Variants in RILPL1 observed in about 807,000 individuals in gnomAD.
RILPL1 encodes the protein RILP-like protein 1.
Under a neutral mutation model 50.3 loss-of-function variants are expected in RILPL1, and 33 were observed. The observed-to-expected ratio is 0.66, with a 90% confidence interval of 0.50 to 0.88. The LOEUF (loss-of-function observed/expected upper bound fraction) is 0.88. RILPL1 is among the 40% of genes least tolerant of loss of function. The pLI is 0.00. For synonymous variants in RILPL1, 205 were observed against 228.6 expected, an observed-to-expected ratio of 0.90 and a Z score of 0.93; for missense variants, 418 against 542.5, an observed-to-expected ratio of 0.77 and a Z score of 2.28.
chr12:123,525,117 G>C (rs1401201113), intron 1 of RILPL1, among the ~76,000 whole-genome samples: 1 of 152,058 alleles, frequency 6.6e-6, no homozygotes, highest in Non-Finnish European at 1.5e-5. Context: ...GGGTGACAGA[G>C]TGAGACTCTG....
rs142606917 is a variant in RILPL1, at chr12:123,529,127, T to G, written c.309+4047A>C. Among the ~76,000 whole-genome samples the G allele has an allele frequency of 8.7e-3, 1,329 of 152,232 alleles. 22 individuals carry two copies. The highest frequency in any genetic ancestry group is 0.029 in the African/African-American group (1,222 of 41,542). Reference sequence around the variant, plus strand: ...AGCCACGTCTTCTGCCTAGAATGCCTCTCCCCCAGATCAATCTGTGGCTGG... The same window carrying G: ...AGCCACGTCTTCTGCCTAGAATGCCGCTCCCCCAGATCAATCTGTGGCTGG... On this transcript the variant is annotated intron_variant, in intron 1 of 6. Transcript: ENST00000376874.
rs1883161856 is a variant in RILPL1, at chr12:123,498,338, C to T, written c.801+206G>A. ...TCAAGTGATCCTCCTGCCTAAGCCT[C>T]CCAGGCAGGCAGCTGGTACTACAGG... On this transcript the variant is annotated intron_variant, in intron 4 of 6. Transcript: ENST00000376874. The surrounding 1 kb of genome is among the most constrained non-coding windows in gnomAD (Gnocchi z 4.3). Among the ~76,000 whole-genome samples, 1 of 116,016 alleles carries T rather than the reference C, an allele frequency of 8.6e-6. No homozygotes were observed. The highest frequency in any genetic ancestry group is 1.8e-5 in the Non-Finnish European group (1 of 56,170). 76.1% of individuals were successfully genotyped at this position (116,016 alleles called of 152,430 possible).
In RILPL1 at chr12:123,484,203, C is replaced by T. The variant is rs777830082; in HGVS notation, c.1044G>A (p.Gln348=). 1.9e-6 allele frequency: 3 copies of T among 1,587,312 alleles called. No individual in the cohort carries two copies. Among genetic ancestry groups the T allele is most frequent in the South Asian group, 2.2e-5 (2 of 90,564 alleles). Residue 348 remains glutamine, a synonymous_variant, in exon 6 of 7, where the codon CAG becomes CAA. Coordinates refer to ENST00000376874, the MANE Select transcript of RILPL1 (RefSeq NM_178314.5). ...PPIAHPRTSP[Q]PESGIKRLFS... is the part of the protein sequence containing the mutation. ...ACAGTCGCTTGATGCCCGACTCCGG[C>T]TGGGGGGACGTCCTCGGGTGGGCGA...
At chr12:123,514,583 T>C (rs780716200) in intron 2 of RILPL1, among the ~76,000 whole-genome samples, 5 of 152,032 alleles carry the variant, frequency 3.3e-5, no homozygotes, top group African/African-American at 4.8e-5. Context: ...TGTGCCACCA[T>C]GCCTGGCTAA....
Position 123,489,442 on chromosome 12 carries a change from A to T in RILPL1, c.802-3637T>A, listed in dbSNP as rs796955670. On this transcript the variant is annotated intron_variant, in intron 4 of 6. Transcript: ENST00000376874. The surrounding 1 kb of genome is among the most constrained non-coding windows in gnomAD (Gnocchi z 4.0). ...CACTTTGGGAAGCTGAGGTGGGTGG[A>T]TCACGAAGTCAGGAGATCGAGACCA... Among the ~76,000 whole-genome samples, 20 of 152,216 alleles carry T rather than the reference A, an allele frequency of 1.3e-4. No individual in the cohort carries two copies. Among genetic ancestry groups the T allele is most frequent in the African/African-American group, 3.6e-4 (15 of 41,532 alleles).
At chr12:123,520,965 C>T (rs1229777976) in intron 2 of RILPL1, among the ~76,000 whole-genome samples, 1 of 152,218 alleles carries the variant, frequency 6.6e-6, no homozygotes, top group Non-Finnish European at 1.5e-5. Flanking sequence ...CCCAGAGAGA[C>T]AGAAGCCTTC....
At chr12:123,519,692 C>G (rs938694075) in intron 2 of RILPL1, 5 of 152,264 alleles carry the variant, frequency 3.3e-5, no homozygotes, top group African/African-American at 1.2e-4. Context: ...CATGCCTTCT[C>G]CTTGTTGTGT....
intron 4 of RILPL1, among the ~76,000 whole-genome samples, chr12:123,494,427 C>T (rs1353837640): frequency 6.6e-6 from 1 of 152,200 alleles, no homozygotes; most frequent in African/African-American, 2.4e-5. Flanking sequence ...TCCTCTCTTC[C>T]CTGCCCCATT....
intron 1 of RILPL1, among the ~76,000 whole-genome samples, chr12:123,528,410 T>C (rs28729228): frequency 6.9e-6 from 1 of 145,444 alleles, no homozygotes; most frequent in African/African-American, 2.5e-5. Flanking sequence ...ACTAAGTTTG[T>C]GTTGATTTTT....
In RILPL1 at chr12:123,516,872, G is replaced by A. The variant is rs138649125; in HGVS notation, c.460+6623C>T. On this transcript the variant is annotated intron_variant, in intron 2 of 6. Transcript: ENST00000376874. ...GCCCAGGAGCTTGAGACTAGCCTGG[G>A]CAACATGGTGAAACCCTATCTCTAC... Among the ~76,000 whole-genome samples the A allele has an allele frequency of 7.6e-3, 1,162 of 152,150 alleles. 10 individuals carry two copies. Among genetic ancestry groups the A allele is most frequent in the Non-Finnish European group, 0.012 (836 of 67,998 alleles).
intron 6 of RILPL1, among the ~76,000 whole-genome samples, chr12:123,482,358 C>A (rs1882053398): frequency 6.6e-6 from 1 of 152,122 alleles, no homozygotes; most frequent in Admixed American, 6.6e-5. Context: ...GCATCAGGGA[C>A]CTGGGGCCAA....
rs539194373 is a variant in RILPL1, at chr12:123,498,209, C to T, written c.801+335G>A. Among the ~76,000 whole-genome samples, 158 of 151,004 alleles carry T rather than the reference C, an allele frequency of 1.0e-3. No individual in the cohort carries two copies. The highest frequency in any genetic ancestry group is 1.6e-3 in the African/African-American group (65 of 41,184). ...GTTCTCTCTGAGCCTCTCGTTTTTT[C>T]TCTCTCTCTCTCTCTCTTTTTTTTT... On this transcript the variant is annotated intron_variant, in intron 4 of 6. Transcript: ENST00000376874. The surrounding 1 kb of genome is among the most constrained non-coding windows in gnomAD (Gnocchi z 4.3).
At chr12:123,479,782 C>A (rs961642785) in intron 6 of RILPL1, among the ~76,000 whole-genome samples, 12 of 152,216 alleles carry the variant, frequency 7.9e-5, no homozygotes, top group Admixed American at 7.2e-4. Flanking sequence ...CCCTGCCCGG[C>A]TCAGAGCCCC....
chr12:123,477,987 C>CTTT (rs56296800), intron 6 of RILPL1, among the ~76,000 whole-genome samples: 10 of 41,176 alleles, frequency 2.4e-4, no homozygotes, highest in African/African-American at 9.7e-4. Context: ...ATCTGTATGT[C>CTTT]TTTTTTTTTT....
chr12:123,484,219 G>A lies in RILPL1; in HGVS notation c.1028C>T (p.Pro343Leu), dbSNP rs193230249. The change falls in exon 6 of 7, where the codon CCG (proline) becomes CTG (leucine). Residue 343 changes from proline (P) to leucine (L), a missense_variant. Coordinates refer to ENST00000376874, the MANE Select transcript of RILPL1 (RefSeq NM_178314.5). ...CGACTCCGGCTGGGGGGACGTCCTC[G>A]GGTGGGCGATGGGTGGGGGTTGGGG... ...RIPQPPPIAH[P>L]RTSPQPESGI... 15 of 1,612,350 alleles carry A rather than the reference G, an allele frequency of 9.3e-6. No individual in the cohort carries two copies. The East Asian group carries it at 1.8e-4, about 19-fold the overall frequency.
chr12:123,488,974 G>C (rs1396127468), intron 4 of RILPL1, among the ~76,000 whole-genome samples: 1 of 152,130 alleles, frequency 6.6e-6, no homozygotes, highest in Non-Finnish European at 1.5e-5. Context: ...GCGCCTCCAG[G>C]GATGCTCCGG....
At chr12:123,515,331 A>T (rs1159522865) in intron 2 of RILPL1, 1 of 151,828 alleles carries the variant, frequency 6.6e-6, no homozygotes, top group African/African-American at 2.4e-5. Flanking sequence ...GTAGATAGAA[A>T]GGGAAGGTTT....
chr12:123,504,159 C>G (rs113945172), intron 2 of RILPL1, among the ~76,000 whole-genome samples: 2 of 152,174 alleles, frequency 1.3e-5, no homozygotes, highest in African/African-American at 4.8e-5. Context: ...TGCACACCTG[C>G]TCCGTGAAGC....
chr12:123,531,881 A>T lies in RILPL1; in HGVS notation c.309+1293T>A, dbSNP rs764990128. Reference sequence around the variant, plus strand: ...GCTTCTAGGAGTCTTGAAATTAATTACAGGTCAAAGCATTTTCAGGCTCCC... The same window carrying T: ...GCTTCTAGGAGTCTTGAAATTAATTTCAGGTCAAAGCATTTTCAGGCTCCC... On this transcript the variant is annotated intron_variant, in intron 1 of 6. Transcript: ENST00000376874. 5.5e-4 allele frequency among the ~76,000 whole-genome samples: 84 copies of T among 152,162 alleles called. 1 individual carries two copies. Among genetic ancestry groups the T allele is most frequent in the Admixed American group, 3.3e-4 (5 of 15,264 alleles).
Sources: gnomAD v4.1 joint callset for allele counts (sites outside exome capture counted in the v4.1 genomes callset) on GRCh38, gnomAD v4.1.1 for gene constraint, Gnocchi (gnomAD v3.1) non-coding constraint, MANE v1.5 for transcripts, NCBI Gene and HGNC (gene_info 2026-07-23, HGNC 2026-07-21) for gene names.